The following DPP6 variants were observed in gnomAD, a reference collection of about 807,000 sequenced individuals.
DPP6 encodes dipeptidyl peptidase like 6, also known as A-type potassium channel modulatory protein DPP6.
A neutral mutation model predicts 122.6 loss-of-function variants in DPP6; 69 were observed. The observed-to-expected ratio is 0.56, with a 90% confidence interval of 0.46 to 0.69. DPP6 has a LOEUF of 0.69. DPP6 is among the 30% of genes least tolerant of loss of function. DPP6 has a pLI of 0.00. For synonymous variants in DPP6, 418 were observed against 433.1 expected, an observed-to-expected ratio of 0.97 and a Z score of 0.43; for missense variants, 928 against 1,116.9, an observed-to-expected ratio of 0.83 and a Z score of 2.41.
chr7:154,734,467 G>A (rs911719716), intron 8 of DPP6, among the ~76,000 whole-genome samples: 6 of 152,192 alleles, frequency 3.9e-5, no homozygotes, highest in South Asian at 2.1e-4. Context: ...TTTTACACCC[G>A]TCATACATCT....
the DPP6 span, among the ~76,000 whole-genome samples, chr7:153,833,639 A>C: frequency 6.6e-6 from 1 of 150,802 alleles, no homozygotes; most frequent in Non-Finnish European, 1.5e-5. Flanking sequence ...GTGTCACTGC[A>C]CTCCAGCCTG....
At chr7:153,757,287 A>G in the DPP6 span, among the ~76,000 whole-genome samples, 4 of 152,230 alleles carry the variant, frequency 2.6e-5, no homozygotes, top group Non-Finnish European at 4.4e-5. Context: ...AGAGATCATA[A>G]GGCATTTAGG....
chr7:154,045,184 TAA>T (rs929621027), intron 1 of DPP6, among the ~76,000 whole-genome samples: 3 of 130,028 alleles, frequency 2.3e-5, no homozygotes, highest in African/African-American at 8.9e-5. Context: ...TGATTCTGAA[TAA>T]AGTCTTAGAA....
intron 1 of DPP6, among the ~76,000 whole-genome samples, chr7:154,145,717 C>T (rs1415869735): frequency 9.8e-6 from 1 of 102,224 alleles, no homozygotes; most frequent in Non-Finnish European, 2.0e-5. Context: ...CGCAAGTTCC[C>T]ACCCTGCTCC....
At chr7:154,002,857 C>CT (rs1797747463) in intron 1 of DPP6, among the ~76,000 whole-genome samples, 1 of 152,186 alleles carries the variant, frequency 6.6e-6, no homozygotes, top group African/African-American at 2.4e-5. Context: ...TGGTAACACA[C>CT]TTTCTAAGTG....
At chr7:154,762,742 A>G (rs1184721572) in intron 8 of DPP6, among the ~76,000 whole-genome samples, 1 of 152,256 alleles carries the variant, frequency 6.6e-6, no homozygotes, top group Non-Finnish European at 1.5e-5. Context: ...CTGCAGATAA[A>G]AACTCAGGAA....
chr7:153,762,443 C>T, the DPP6 span, among the ~76,000 whole-genome samples: 2 of 152,124 alleles, frequency 1.3e-5, no homozygotes, highest in South Asian at 4.1e-4. Flanking sequence ...AGGTGTTATT[C>T]ATTGCTTCCC....
intron 1 of DPP6, among the ~76,000 whole-genome samples, chr7:154,032,558 T>C (rs1799299847): frequency 6.6e-6 from 1 of 152,250 alleles, no homozygotes; most frequent in Non-Finnish European, 1.5e-5. Context: ...CTCCTGTGTT[T>C]TAAATACATT....
chr7:154,032,027 A>G (rs1208677661), intron 1 of DPP6, among the ~76,000 whole-genome samples: 1 of 127,200 alleles, frequency 7.9e-6, no homozygotes, highest in Non-Finnish European at 1.7e-5. Flanking sequence ...ACACCCGCCT[A>G]TTTTTTTTTT....
intron 1 of DPP6, among the ~76,000 whole-genome samples, chr7:154,350,253 T>G (rs1810738257): frequency 6.6e-6 from 1 of 152,124 alleles, no homozygotes; most frequent in Non-Finnish European, 1.5e-5. Context: ...GGAAACAGTT[T>G]GATCTGAGAC....
At chr7:154,163,298 G>A (rs1188823936) in intron 1 of DPP6, among the ~76,000 whole-genome samples, 13 of 152,100 alleles carry the variant, frequency 8.5e-5, no homozygotes, top group Non-Finnish European at 1.9e-4. Context: ...TGTGTTGCTA[G>A]TGTTGAGTCG....
the DPP6 span, among the ~76,000 whole-genome samples, chr7:153,753,921 A>G: frequency 6.6e-6 from 1 of 152,236 alleles, no homozygotes; most frequent in South Asian, 2.1e-4. Flanking sequence ...GTATTCTACC[A>G]ATGAATTACT....
At chr7:154,663,581 G>A (rs374460083) in intron 6 of DPP6, among the ~76,000 whole-genome samples, 1 of 30,148 alleles carries the variant, frequency 3.3e-5, no homozygotes, top group Admixed American at 5.0e-4. Flanking sequence ...TAGTGTTCAC[G>A]CAGTCATGGT....
the DPP6 span, among the ~76,000 whole-genome samples, chr7:153,778,651 C>G: frequency 1.3e-5 from 2 of 151,872 alleles, no homozygotes; most frequent in Non-Finnish European, 2.9e-5. Context: ...CCCTTGTGCT[C>G]TTTTGTTACC....
intron 1 of DPP6, among the ~76,000 whole-genome samples, chr7:154,209,577 C>G (rs528421332): frequency 6.6e-6 from 1 of 151,518 alleles, no homozygotes; most frequent in Non-Finnish European, 1.5e-5. Context: ...TCTTCAGCTG[C>G]GACTGAAAAA....
chr7:154,408,179 A>G (rs1816279333), intron 1 of DPP6, among the ~76,000 whole-genome samples: 1 of 152,186 alleles, frequency 6.6e-6, no homozygotes, highest in African/African-American at 2.4e-5. Flanking sequence ...CAAGGTAGAA[A>G]AATGAAATAT....
At chr7:154,128,245 A>C (rs1808080590) in intron 1 of DPP6, among the ~76,000 whole-genome samples, 2 of 151,818 alleles carry the variant, frequency 1.3e-5, no homozygotes, top group Non-Finnish European at 2.9e-5. Context: ...GGACCGTACA[A>C]TTAAAATTAA....
At chr7:154,519,138 T>C in intron 3 of DPP6, among the ~76,000 whole-genome samples, 1 of 152,210 alleles carries the variant, frequency 6.6e-6, no homozygotes, top group East Asian at 1.9e-4. Context: ...GACTAGACTT[T>C]CTCTAATAAT....
intron 1 of DPP6, among the ~76,000 whole-genome samples, chr7:154,356,695 C>A (rs1041430594): frequency 2.6e-5 from 4 of 152,118 alleles, no homozygotes; most frequent in African/African-American, 4.8e-5. Flanking sequence ...AAAATTACAA[C>A]TTTTAAAACA....
Sources: allele counts gnomAD v4.1 joint callset (sites outside exome capture counted in the v4.1 genomes callset), GRCh38; gene constraint gnomAD v4.1.1; transcripts MANE v1.5; gene names NCBI Gene and HGNC (gene_info 2026-07-23, HGNC 2026-07-21).